CDIN1: variants seen among roughly 807,000 people sequenced by gnomAD.
The protein encoded by CDIN1 is CDAN1-interacting nuclease 1.
In CDIN1, 33 loss-of-function variants were observed where a neutral mutation model predicts 45.3. The ratio of observed to expected loss-of-function variants is 0.73; its 90% confidence interval spans 0.55 to 0.97. The LOEUF (loss-of-function observed/expected upper bound fraction) is 0.97, where lower values mean the gene tolerates loss of function less well. Ranked by LOEUF, CDIN1 falls within the 50% of genes least tolerant of loss-of-function variation. CDIN1 has a pLI of 0.00. For synonymous variants in CDIN1, 118 were observed against 124.4 expected, an observed-to-expected ratio of 0.95 and a Z score of 0.34; for missense variants, 303 against 339.4, an observed-to-expected ratio of 0.89 and a Z score of 0.84.
At chr15:36,638,637 G>A (rs1456613680) in intron 1 of CDIN1, among the ~76,000 whole-genome samples, 1 of 152,164 alleles carries the variant, frequency 6.6e-6, no homozygotes, top group Non-Finnish European at 1.5e-5. Context: ...TCTGCAGTCA[G>A]TAGTTCCTTT....
intron 10 of CDIN1, among the ~76,000 whole-genome samples, chr15:36,724,696 A>G (rs2043556902): frequency 6.6e-6 from 1 of 152,204 alleles, no homozygotes; most frequent in South Asian, 2.1e-4. Context: ...CACTTGTGAC[A>G]TGACATCATA....
intron 5 of CDIN1, among the ~76,000 whole-genome samples, chr15:36,677,754 A>G (rs1488065832): frequency 1.3e-5 from 2 of 152,184 alleles, no homozygotes; most frequent in Non-Finnish European, 2.9e-5. Context: ...GGAGGAGGTA[A>G]ACATTGAACC....
intron 1 of CDIN1, among the ~76,000 whole-genome samples, chr15:36,590,065 T>C (rs559617873): frequency 1.4e-4 from 21 of 152,328 alleles, no homozygotes; most frequent in Non-Finnish European, 2.6e-4. Context: ...CAGAGCTTCC[T>C]TCATGCCAAG....
intron 5 of CDIN1, among the ~76,000 whole-genome samples, chr15:36,687,302 C>G (rs1199977483): frequency 6.6e-6 from 1 of 152,004 alleles, no homozygotes; most frequent in African/African-American, 2.4e-5. Flanking sequence ...CAACAAAATA[C>G]TATTTATGAA....
intron 10 of CDIN1, chr15:36,798,785 A>T (rs1025973745): frequency 1.3e-5 from 2 of 152,178 alleles, no homozygotes; most frequent in Non-Finnish European, 2.9e-5. Flanking sequence ...AAAAAGACAT[A>T]TTTTGGGTAC....
At chr15:36,657,189 A>G (rs1171919140) in intron 4 of CDIN1, among the ~76,000 whole-genome samples, 1 of 152,086 alleles carries the variant, frequency 6.6e-6, no homozygotes, top group Non-Finnish European at 1.5e-5. Context: ...TAAATTGGTA[A>G]GTAGTGTTTC....
chr15:36,799,219 C>G (rs988647108), intron 10 of CDIN1: 2 of 100,550 alleles, frequency 2.0e-5, no homozygotes, highest in Admixed American at 2.4e-4. Context: ...GAAGTGTTCT[C>G]TCGTTTTAGT....
intron 1 of CDIN1, among the ~76,000 whole-genome samples, chr15:36,603,056 C>T (rs1373847431): frequency 6.6e-6 from 1 of 151,930 alleles, no homozygotes; most frequent in African/African-American, 2.4e-5. Flanking sequence ...AAATCACACT[C>T]CTCTGGGATT....
In CDIN1 at chr15:36,593,487, C is replaced by T. The variant is rs544714261; in HGVS notation, c.101+13526C>T. Among the ~76,000 whole-genome samples, 223 of 152,234 alleles carry T rather than the reference C, an allele frequency of 1.5e-3. 1 individual carries two copies. The highest frequency in any genetic ancestry group is 6.8e-3 in the Middle Eastern group (2 of 294). On this transcript the variant is annotated intron_variant, in intron 1 of 10. Transcript: ENST00000566621. ...TTTTATAGGATACCCTAGATCATCA[C>T]GTCAGTGTGAACATTGATTTAGTGT...
intron 10 of CDIN1, among the ~76,000 whole-genome samples, chr15:36,750,193 C>T (rs1260513252): frequency 2.6e-5 from 4 of 152,062 alleles, no homozygotes; most frequent in Non-Finnish European, 5.9e-5. Flanking sequence ...TAGGGAACTA[C>T]ATTTTTGTAT....
At chr15:36,609,588 A>G (rs2038550520) in intron 1 of CDIN1, among the ~76,000 whole-genome samples, 2 of 152,130 alleles carry the variant, frequency 1.3e-5, no homozygotes, top group Admixed American at 1.3e-4. Flanking sequence ...ACTCAGTTCT[A>G]TTGCTTTTAC....
chr15:36,673,512 A>C (rs1173420406), intron 5 of CDIN1, among the ~76,000 whole-genome samples: 1 of 152,112 alleles, frequency 6.6e-6, no homozygotes, highest in Non-Finnish European at 1.5e-5. Flanking sequence ...TCCTCCTGCA[A>C]CAAATGTTGC....
At chr15:36,701,472 G>C (rs544901344) in intron 8 of CDIN1, among the ~76,000 whole-genome samples, 43 of 152,066 alleles carry the variant, frequency 2.8e-4, no homozygotes, top group Non-Finnish European at 5.3e-4. Flanking sequence ...TAGTGACAAT[G>C]CAAAGACAAC....
chr15:36,595,685 A>G (rs2037788322), intron 1 of CDIN1, among the ~76,000 whole-genome samples: 1 of 152,240 alleles, frequency 6.6e-6, no homozygotes, highest in Non-Finnish European at 1.5e-5. Context: ...GATGATTGGA[A>G]TGGCAGGAAA....
At chr15:36,700,682 G>T (rs1175163745) in intron 8 of CDIN1, among the ~76,000 whole-genome samples, 4 of 151,072 alleles carry the variant, frequency 2.6e-5, no homozygotes, top group Non-Finnish European at 4.4e-5. Flanking sequence ...ACACCATTAA[G>T]AATTTTAAAG....
chr15:36,632,623 C>T (rs762967950), intron 1 of CDIN1, among the ~76,000 whole-genome samples: 6 of 152,286 alleles, frequency 3.9e-5, no homozygotes, highest in South Asian at 2.1e-4. Flanking sequence ...TGTGGGATCC[C>T]CCATGCATAT....
intron 5 of CDIN1, among the ~76,000 whole-genome samples, chr15:36,678,727 G>A (rs965278590): frequency 7.9e-5 from 12 of 152,162 alleles, no homozygotes; most frequent in African/African-American, 2.9e-4. Context: ...TGAGATCTTA[G>A]ATTAGGGATC....
At chr15:36,794,121 C>T (rs1295069645) in intron 10 of CDIN1, among the ~76,000 whole-genome samples, 3 of 138,126 alleles carry the variant, frequency 2.2e-5, no homozygotes, top group Non-Finnish European at 4.5e-5. Context: ...TGCAGTGATG[C>T]GATCTCGGCT....
chr15:36,721,907 G>A (rs1384616899), intron 10 of CDIN1, among the ~76,000 whole-genome samples: 2 of 151,886 alleles, frequency 1.3e-5, no homozygotes, highest in Non-Finnish European at 2.9e-5. Flanking sequence ...GGAGACTGCT[G>A]GACTTCACCT....
Sources: allele counts gnomAD v4.1 joint callset (sites outside exome capture counted in the v4.1 genomes callset), GRCh38; gene constraint gnomAD v4.1.1; transcripts MANE v1.5; gene names NCBI Gene and HGNC (gene_info 2026-07-23, HGNC 2026-07-21).